The following OSBPL2 variants were observed in gnomAD, a reference collection of about 807,000 sequenced individuals.
The protein encoded by OSBPL2 is oxysterol binding protein like 2.
OSBPL2 carries 18 observed loss-of-function variants against 58.4 expected under a neutral mutation model. That is an observed-to-expected ratio of 0.31 (90% confidence interval 0.21 to 0.46). The LOEUF is 0.46. Ranked by LOEUF, OSBPL2 falls within the 20% of genes least tolerant of loss-of-function variation. The pLI is 1.00. For missense variants in OSBPL2, 461 were observed against 616.5 expected (o/e 0.75, Z 2.67); for synonymous variants, 221 against 234.1 (o/e 0.94, Z 0.51).
intron 1 of OSBPL2, among the ~76,000 whole-genome samples, chr20:62,246,059 C>G (rs1014625880): frequency 6.6e-6 from 1 of 152,246 alleles, no homozygotes; most frequent in African/African-American, 2.4e-5. Context: ...TGGCGCGGGG[C>G]CGGCTGCCAT....
intron 2 of OSBPL2, chr20:62,259,344 C>T (rs1568833237): frequency 6.6e-6 from 1 of 152,268 alleles, no homozygotes; most frequent in Non-Finnish European, 1.5e-5. Context: ...CGTTCTTCTC[C>T]AGGACTTTTG....
chr20:62,291,435 C>G, intron 12 of OSBPL2: 1 of 458,932 alleles, frequency 2.2e-6, no homozygotes, highest in Non-Finnish European at 4.1e-6. Flanking sequence ...CTCCTGCACC[C>G]GCAGACTTTG....
At chr20:62,267,477 T>A (rs1164678571) in intron 4 of OSBPL2, among the ~76,000 whole-genome samples, 2 of 152,118 alleles carry the variant, frequency 1.3e-5, no homozygotes, top group Non-Finnish European at 2.9e-5. Flanking sequence ...CTGTTTGGGG[T>A]CTGGCATCAT....
intron 10 of OSBPL2, chr20:62,284,583 C>T (rs1982995869): frequency 5.5e-6 from 1 of 182,002 alleles, no homozygotes; most frequent in Non-Finnish European, 1.2e-5. Flanking sequence ...CTATGTTGCC[C>T]AGGCTGGTCT....
At chr20:62,291,435 C>T (rs1015654780) in intron 12 of OSBPL2, 13 of 458,814 alleles carry the variant, frequency 2.8e-5, no homozygotes, top group African/African-American at 1.6e-4. Flanking sequence ...CTCCTGCACC[C>T]GCAGACTTTG....
chr20:62,243,935 A>G (rs1271667449), intron 1 of OSBPL2, among the ~76,000 whole-genome samples: 2 of 151,844 alleles, frequency 1.3e-5, no homozygotes, highest in Non-Finnish European at 1.5e-5. Flanking sequence ...CCCTGCCTGT[A>G]GGTGCTCAGG....
chr20:62,261,186 C>T (rs973041335), intron 3 of OSBPL2, among the ~76,000 whole-genome samples: 4 of 151,912 alleles, frequency 2.6e-5, no homozygotes, highest in African/African-American at 9.7e-5. Flanking sequence ...CGTGGCTGTG[C>T]GCATCTGTAG....
chr20:62,261,589 G>A (rs949270590), intron 3 of OSBPL2, among the ~76,000 whole-genome samples: 3 of 151,688 alleles, frequency 2.0e-5, no homozygotes, highest in African/African-American at 4.8e-5. Context: ...CCCCACCCCC[G>A]CTCCTGCATT....
chr20:62,270,260 G>T (rs1418201532), intron 4 of OSBPL2, among the ~76,000 whole-genome samples: 1 of 152,108 alleles, frequency 6.6e-6, no homozygotes, highest in African/African-American at 2.4e-5. Flanking sequence ...ACAGCAAGTG[G>T]ATTCCAAAGC....
chr20:62,252,322 C>T (rs1448733525), intron 1 of OSBPL2, among the ~76,000 whole-genome samples: 2 of 152,090 alleles, frequency 1.3e-5, no homozygotes, highest in African/African-American at 2.4e-5. Context: ...GGTGAGAAGC[C>T]TTCCCTCTCC....
intron 4 of OSBPL2, among the ~76,000 whole-genome samples, chr20:62,267,728 C>T (rs1481432262): frequency 1.3e-5 from 2 of 152,176 alleles, no homozygotes; most frequent in African/African-American, 2.4e-5. Flanking sequence ...CAGATTTAGA[C>T]CGGCACGCAG....
chr20:62,259,766 T>C (rs1419362685), intron 2 of OSBPL2, among the ~76,000 whole-genome samples: 1 of 60,482 alleles, frequency 1.7e-5, no homozygotes, highest in Non-Finnish European at 5.4e-5. Context: ...TGGAGCTCGC[T>C]GGGAGCGCGT....
intron 4 of OSBPL2, among the ~76,000 whole-genome samples, chr20:62,265,915 T>C (rs146233610): frequency 6.6e-5 from 10 of 152,252 alleles, no homozygotes; most frequent in Non-Finnish European, 1.2e-4. Context: ...GGCCAGGAGC[T>C]TGAGACCAGA....
chr20:62,271,434 C>G (rs1406730851), intron 4 of OSBPL2, among the ~76,000 whole-genome samples: 3 of 152,154 alleles, frequency 2.0e-5, no homozygotes. Context: ...GCGTGGGTGG[C>G]TCTGCCTGGG....
At chr20:62,249,615 C>G (rs1980386429) in intron 1 of OSBPL2, among the ~76,000 whole-genome samples, 1 of 152,228 alleles carries the variant, frequency 6.6e-6, no homozygotes, top group Non-Finnish European at 1.5e-5. Context: ...GCCTCTGTCG[C>G]CCAGGCTGGA....
intron 11 of OSBPL2, among the ~76,000 whole-genome samples, chr20:62,286,980 G>A (rs901380467): frequency 1.3e-5 from 2 of 152,242 alleles, no homozygotes; most frequent in Non-Finnish European, 2.9e-5. Context: ...AGGTGTGGAC[G>A]CATGCTCAGC....
Position 62,272,208 on chromosome 20 carries a change from G to A in OSBPL2, c.342G>A (p.Val114=), listed in dbSNP as rs1982108795. Residue 114 remains valine (V), a synonymous_variant, in exon 5 of 14, where the codon GTG becomes GTA. Transcript: ENST00000313733. ...GGATCACGGAGTACATGGAGCACGT[G>A]TACCTCATCCACAGGGCCTCCTGCC... ...LQRITEYMEH[V]YLIHRASCQP... is the part of the protein sequence containing the mutation. 3 of 1,613,694 alleles carry A rather than the reference G, an allele frequency of 1.9e-6. No homozygotes were observed. The highest frequency in any genetic ancestry group is 1.7e-6 in the Non-Finnish European group (2 of 1,179,966).
At position 62,279,207 on chromosome 20, in the gene OSBPL2, C is replaced by G. The variant is rs1020078261; in HGVS notation, c.542C>G (p.Pro181Arg). ...TCGGAACAGGTCAGTCACCACCCCC[C>G]CATCAGTGCGTTCCACTCGGAAGGT... Reference protein sequence around the residue: ...FISEQVSHHPPISAFHSEGLN... With the variant: ...FISEQVSHHPRISAFHSEGLN... The change falls in exon 7 of 14, where the codon CCC (proline) becomes CGC (arginine). Residue 181 changes from proline to arginine, a missense_variant. By Grantham distance (103) the Pro-to-Arg change is moderately radical. Coordinates refer to ENST00000313733, the MANE Select transcript of OSBPL2 (RefSeq NM_144498.4). 3 of 1,614,218 alleles carry G rather than the reference C, an allele frequency of 1.9e-6. No individual in the cohort carries two copies. The highest frequency in any genetic ancestry group is 2.5e-6 in the Non-Finnish European group (3 of 1,180,020).
Position 62,291,791 on chromosome 20 carries a change from G to A in OSBPL2, c.1338G>A (p.Thr446=), listed in dbSNP as rs775920191. 10 of 1,612,318 alleles carry A rather than the reference G, an allele frequency of 6.2e-6. No homozygotes were observed. Among genetic ancestry groups the A allele is most frequent in the African/African-American group, 2.7e-5 (2 of 74,914 alleles). ...ERAKEEAEWQ[T]RWFYPGNNPY... ...CCAAGGAGGAGGCAGAGTGGCAGACGAGGTGAGTACTGTGGTAGCCACGCA... is the reference window on the plus strand; with the variant it reads ...CCAAGGAGGAGGCAGAGTGGCAGACAAGGTGAGTACTGTGGTAGCCACGCA... The change falls in exon 13 of 14, where the codon ACG becomes ACA. Residue 446 remains threonine (T), a splice_region_variant and synonymous_variant. Transcript: ENST00000313733.
Sources: allele counts gnomAD v4.1 joint callset (sites outside exome capture counted in the v4.1 genomes callset), GRCh38; gene constraint gnomAD v4.1.1; transcripts MANE v1.5; gene names NCBI Gene and HGNC (gene_info 2026-07-23, HGNC 2026-07-21).